RPH3AL: variants seen among roughly 807,000 people sequenced by gnomAD.
The protein encoded by RPH3AL is rabphilin 3A like (without C2 domains).
In RPH3AL, 38 loss-of-function variants were observed where a neutral mutation model predicts 43.1. The observed-to-expected ratio is 0.88, with a 90% CI of 0.68 to 1.15. The LOEUF (loss-of-function observed/expected upper bound fraction) is 1.15, where lower values mean the gene tolerates loss of function less well. Among genes scored for constraint, RPH3AL ranks in the 50% most tolerant of loss-of-function variants. The probability of loss-of-function intolerance (pLI) is 0.00; values close to 1 mark genes in which losing one functional copy is unlikely to be tolerated. For missense variants in RPH3AL, 462 were observed against 423.2 expected (o/e 1.09, Z -0.81); for synonymous variants, 189 against 176.3 (o/e 1.07, Z -0.57).
Position 245,397 on chromosome 17 carries a change from A to C in RPH3AL, c.613+1714T>G, listed in dbSNP as rs1250922498. Among the ~76,000 whole-genome samples, 1 of 137,720 alleles carries C rather than the reference A, an allele frequency of 7.3e-6. No homozygotes were observed. The highest frequency in any genetic ancestry group is 2.7e-5 in the African/African-American group (1 of 37,100). The allele number at this position is 137,720 out of a possible 152,430, so 90.3% of individuals were successfully genotyped here. A position where few individuals can be genotyped will look rare whatever the true frequency, so the allele number is the denominator to read the frequency against. On this transcript the variant is annotated intron_variant, in intron 7 of 9. Transcript: ENST00000331302. This position sits in a 1 kb window ranked among gnomAD's most constrained non-coding sequence, Gnocchi z 5.9. ...TGTGGATGTCAGTGTGTGTGTGGAT[A>C]TCAGTGTGTGTGTGTGCATGGTGAT...
At chr17:221,936 C>G (rs35397957) in intron 7 of RPH3AL, among the ~76,000 whole-genome samples, 1 of 83,106 alleles carries the variant, frequency 1.2e-5, no homozygotes, top group Non-Finnish European at 2.6e-5. Flanking sequence ...TAGACCCAAG[C>G]ACATCAGCTC....
At chr17:237,421 G>C (rs1203630407) in intron 7 of RPH3AL, among the ~76,000 whole-genome samples, 1 of 152,198 alleles carries the variant, frequency 6.6e-6, no homozygotes, top group African/African-American at 2.4e-5. Flanking sequence ...CAGGAGGCCT[G>C]CACTCCCCTC....
At chr17:310,678 T>C (rs927968582) in intron 5 of RPH3AL, among the ~76,000 whole-genome samples, 1 of 152,080 alleles carries the variant, frequency 6.6e-6, no homozygotes, top group Non-Finnish European at 1.5e-5. Context: ...TTAACCCCAT[T>C]CCCAGCTGTA....
chr17:235,954 G>A (rs1289342383), intron 7 of RPH3AL, among the ~76,000 whole-genome samples: 1 of 150,972 alleles, frequency 6.6e-6, no homozygotes, highest in Non-Finnish European at 1.5e-5. Context: ...CAGATCCAGG[G>A]TTCAAAGCTG....
At chr17:343,718 T>C (rs1008393615) in intron 1 of RPH3AL, among the ~76,000 whole-genome samples, 3 of 152,226 alleles carry the variant, frequency 2.0e-5, no homozygotes, top group Non-Finnish European at 2.9e-5. Flanking sequence ...GCGGGTGCTA[T>C]TGACTACTAT....
intron 5 of RPH3AL, among the ~76,000 whole-genome samples, chr17:297,390 C>T (rs1228598246): frequency 2.0e-5 from 3 of 152,220 alleles, no homozygotes; most frequent in Non-Finnish European, 4.4e-5. Flanking sequence ...CCCCGATTCA[C>T]AGCCAGCTGC....
At chr17:244,441 G>T (rs186729453) in intron 7 of RPH3AL, among the ~76,000 whole-genome samples, 5,360 of 152,136 alleles carry the variant, frequency 0.035, 126 homozygotes, top group South Asian at 0.092. Context: ...AGAGAATGGG[G>T]GGGGAGAGGG....
At chr17:270,132 C>T (rs1567601805) in intron 6 of RPH3AL, among the ~76,000 whole-genome samples, 1 of 152,110 alleles carries the variant, frequency 6.6e-6, no homozygotes, top group Non-Finnish European at 1.5e-5. Context: ...GTGACAGCAG[C>T]CCAGAGTGAG....
At chr17:253,525 A>T (rs1469000594) in intron 6 of RPH3AL, among the ~76,000 whole-genome samples, 1 of 152,124 alleles carries the variant, frequency 6.6e-6, no homozygotes, top group African/African-American at 2.4e-5. Flanking sequence ...AAATGTTTCC[A>T]TTGTATTAAA....
intron 6 of RPH3AL, among the ~76,000 whole-genome samples, chr17:251,578 C>T (rs937921305): frequency 2.0e-5 from 3 of 152,234 alleles, no homozygotes; most frequent in South Asian, 2.1e-4. Context: ...GTGGCTCAGA[C>T]GTCTGTGTGG....
intron 6 of RPH3AL, among the ~76,000 whole-genome samples, chr17:272,504 G>A (rs1410450741): frequency 5.4e-5 from 8 of 149,084 alleles, no homozygotes; most frequent in African/African-American, 7.4e-5. Context: ...CTATCGCAAG[G>A]ACAGAAAACC....
chr17:230,839 TTTTTTG>T (rs761619942), intron 7 of RPH3AL, among the ~76,000 whole-genome samples: 8 of 151,446 alleles, frequency 5.3e-5, no homozygotes, highest in East Asian at 1.9e-4. Context: ...GCCTCCCTTG[TTTTTTG>T]TTGTTGTTGT....
At chr17:262,192 A>G (rs1381147092) in intron 6 of RPH3AL, among the ~76,000 whole-genome samples, 2 of 152,082 alleles carry the variant, frequency 1.3e-5, no homozygotes, top group Non-Finnish European at 2.9e-5. Context: ...TGTGATCCTC[A>G]CATACGTTTG....
intron 1 of RPH3AL, among the ~76,000 whole-genome samples, chr17:334,596 G>A (rs1371575825): frequency 1.6e-5 from 2 of 127,436 alleles, no homozygotes; most frequent in Non-Finnish European, 3.4e-5. Flanking sequence ...GGAGGGACAG[G>A]GACAAGGACA....
In RPH3AL at chr17:292,283, A is replaced by G. The variant is rs374188523; in HGVS notation, c.352-10429T>C. On this transcript the variant is annotated intron_variant, in intron 5 of 9. Transcript: ENST00000331302. ...ACCTGCCCCAGTGGGCCAGCAGCGG[A>G]AAGGCTGGATACAGCTCTGTTGCTA... 2.9e-3 allele frequency among the ~76,000 whole-genome samples: 439 copies of G among 152,260 alleles called. 2 individuals are homozygous for G. Among genetic ancestry groups the G allele is most frequent in the African/African-American group, 0.01 (416 of 41,546 alleles).
At chr17:285,433 A>AAAGCAACC (rs1397408578) in intron 5 of RPH3AL, among the ~76,000 whole-genome samples, 1 of 152,168 alleles carries the variant, frequency 6.6e-6, no homozygotes, top group Non-Finnish European at 1.5e-5. Context: ...AGACACAGGA[A>AAAGCAACC]AAGCAACCAG....
intron 7 of RPH3AL, among the ~76,000 whole-genome samples, chr17:228,125 G>C (rs766279469): frequency 1.2e-4 from 18 of 152,192 alleles, no homozygotes; most frequent in Non-Finnish European, 2.1e-4. Flanking sequence ...GCCTGGGGTG[G>C]GGGAGTCACC....
chr17:282,953 T>TA (rs1467642879), intron 5 of RPH3AL, among the ~76,000 whole-genome samples: 1 of 152,226 alleles, frequency 6.6e-6, no homozygotes, highest in Non-Finnish European at 1.5e-5. Context: ...GGACAGTTCT[T>TA]ACGTTGCTTC....
chr17:331,539 C>A (rs556232137), intron 2 of RPH3AL: 2 of 1,243,540 alleles, frequency 1.6e-6, no homozygotes, highest in Admixed American at 5.0e-5. Context: ...TTCACTCGCA[C>A]GGAGCAACCT....
Sources: gnomAD v4.1 joint callset for allele counts (sites outside exome capture counted in the v4.1 genomes callset) on GRCh38, gnomAD v4.1.1 for gene constraint, Gnocchi (gnomAD v3.1) non-coding constraint, MANE v1.5 for transcripts, NCBI Gene and HGNC (gene_info 2026-07-23, HGNC 2026-07-21) for gene names.